ITPR2: variants seen among roughly 807,000 people sequenced by gnomAD.
ITPR2 encodes inositol 1,4,5-trisphosphate receptor type 2.
In ITPR2, 207 loss-of-function variants were observed where a neutral mutation model predicts 317.1. The ratio of observed to expected loss-of-function variants is 0.65; its 90% CI spans 0.58 to 0.73. The LOEUF (loss-of-function observed/expected upper bound fraction) is 0.73. Ranked by LOEUF, ITPR2 falls within the 30% of genes least tolerant of loss-of-function variation. ITPR2 has a pLI of 0.00. For missense variants in ITPR2, 2,613 were observed against 3,284.0 expected (o/e 0.80, Z 4.99); for synonymous variants, 1,156 against 1,149.1 (o/e 1.01, Z -0.12).
At chr12:26,780,329 A>G (rs531081033) in intron 2 of ITPR2, among the ~76,000 whole-genome samples, 88 of 152,282 alleles carry the variant, frequency 5.8e-4, no homozygotes, top group Admixed American at 4.8e-3. Flanking sequence ...TTTTGTCCTC[A>G]CTGAAATAGA....
At position 26,784,515 on chromosome 12, in the gene ITPR2, T is replaced by G. The variant is rs556502342; in HGVS notation, c.163+5642A>C. ...GCCGCCACGCCTGACTGGTTTTCGG[T>G]TTTTTTTTGGTGGAGACGGGGTTTT... On this transcript the variant is annotated intron_variant, in intron 2 of 56. Transcript: ENST00000381340. 5.1e-3 allele frequency among the ~76,000 whole-genome samples: 760 copies of G among 148,560 alleles called. 1 individual carries two copies. The highest frequency in any genetic ancestry group is 7.7e-3 in the Non-Finnish European group (513 of 66,838).
chr12:26,393,034 T>C (rs1427918896), intron 54 of ITPR2, among the ~76,000 whole-genome samples: 1 of 152,226 alleles, frequency 6.6e-6, no homozygotes, highest in Non-Finnish European at 1.5e-5. Context: ...GATCACTAGC[T>C]ATTGTTTTCT....
chr12:26,808,248 A>C (rs953659354), intron 1 of ITPR2, among the ~76,000 whole-genome samples: 1 of 152,196 alleles, frequency 6.6e-6, no homozygotes, highest in African/African-American at 2.4e-5. Flanking sequence ...CTAAAGCCAG[A>C]TCCCTCTCTT....
At chr12:26,408,245 A>G (rs763672302) in intron 52 of ITPR2, among the ~76,000 whole-genome samples, 2 of 152,234 alleles carry the variant, frequency 1.3e-5, no homozygotes, top group Admixed American at 6.5e-5. Flanking sequence ...CTCAACAAAT[A>G]TAACTATGTG....
intron 23 of ITPR2, among the ~76,000 whole-genome samples, chr12:26,627,746 G>T (rs540313267): frequency 2.0e-5 from 3 of 152,088 alleles, no homozygotes; most frequent in African/African-American, 7.2e-5. Flanking sequence ...CACAGGGAGG[G>T]GAACATCACA....
intron 37 of ITPR2, among the ~76,000 whole-genome samples, chr12:26,504,683 C>T (rs1943145915): frequency 6.6e-6 from 1 of 152,180 alleles, no homozygotes; most frequent in Non-Finnish European, 1.5e-5. Context: ...AATGTATGCT[C>T]TCAGCCACCA....
chr12:26,715,572 G>T (rs2137031136), intron 7 of ITPR2, 127 bp from the exon 8 acceptor site: 1 of 907,208 alleles, frequency 1.1e-6, no homozygotes, highest in East Asian at 2.6e-5. Context: ...TTTATTTAAT[G>T]CTTATTTAAA....
chr12:26,727,108 G>A (rs761389285), intron 2 of ITPR2, among the ~76,000 whole-genome samples: 9 of 152,204 alleles, frequency 5.9e-5, no homozygotes, highest in Non-Finnish European at 1.2e-4. Context: ...CCTAGCACGT[G>A]TGTGACCAAA....
intron 52 of ITPR2, among the ~76,000 whole-genome samples, chr12:26,403,828 G>T (rs564654331): frequency 1.3e-5 from 2 of 152,264 alleles, no homozygotes; most frequent in South Asian, 4.1e-4. Context: ...AGCCCCAGAG[G>T]TAGAAAAATG....
intron 2 of ITPR2, among the ~76,000 whole-genome samples, chr12:26,757,680 A>T (rs1161971868): frequency 2.0e-5 from 3 of 152,224 alleles, no homozygotes; most frequent in Admixed American, 2.0e-4. Flanking sequence ...TAGGTTTATC[A>T]GGACATGTCC....
chr12:26,709,213 G>C (rs1948605741), intron 9 of ITPR2, among the ~76,000 whole-genome samples: 1 of 152,176 alleles, frequency 6.6e-6, no homozygotes, highest in Non-Finnish European at 1.5e-5. Context: ...CACCCATTCT[G>C]TTACACTAGT....
chr12:26,567,962 AT>A (rs1398159834), intron 34 of ITPR2, among the ~76,000 whole-genome samples: 2 of 24,848 alleles, frequency 8.0e-5, no homozygotes, highest in African/African-American at 2.6e-4. Context: ...ATATATATAT[AT>A]ATATATTATA....
rs1374714532 is a variant in ITPR2, at chr12:26,362,603, C to G, written c.7858-22275G>C. Among the ~76,000 whole-genome samples the G allele has an allele frequency of 2.0e-5, 3 of 152,198 alleles. No homozygotes were observed. In the East Asian group the frequency reaches 5.8e-4, roughly 29 times the overall value. On this transcript the variant is annotated intron_variant, in intron 55 of 56. Coordinates refer to ENST00000381340, the MANE Select transcript of ITPR2 (RefSeq NM_002223.4). ...TTTCTTATGACTCTCAAATCAGATC[C>G]CTTTTCTCTAATACAGTACTGCTGG...
At chr12:26,568,018 AT>A (rs1248461094) in intron 34 of ITPR2, among the ~76,000 whole-genome samples, 19 of 122,400 alleles carry the variant, frequency 1.6e-4, no homozygotes, top group African/African-American at 4.7e-4. Context: ...ATATATATAT[AT>A]ATATATATAT....
intron 54 of ITPR2, among the ~76,000 whole-genome samples, chr12:26,395,082 AG>A (rs1213604947): frequency 6.6e-6 from 1 of 152,164 alleles, no homozygotes; most frequent in Non-Finnish European, 1.5e-5. Flanking sequence ...GACTGAAAAC[AG>A]AGGGGAAAGC....
chr12:26,695,093 C>T (rs1342010190), intron 10 of ITPR2, among the ~76,000 whole-genome samples: 1 of 152,112 alleles, frequency 6.6e-6, no homozygotes, highest in East Asian at 1.9e-4. Context: ...ATAATACCTA[C>T]CAATTTCAAA....
intron 2 of ITPR2, among the ~76,000 whole-genome samples, chr12:26,746,770 A>T (rs1018579156): frequency 6.6e-6 from 1 of 152,032 alleles, no homozygotes; most frequent in African/African-American, 2.4e-5. Context: ...TGTTGCATGT[A>T]CCTACCTTTC....
At chr12:26,475,178 C>A in intron 45 of ITPR2, 118 bp downstream of exon 45, 1 of 1,172,942 alleles carries the variant, frequency 8.5e-7, no homozygotes, top group Non-Finnish European at 1.2e-6. Flanking sequence ...TAGCCCAAAC[C>A]TAGGATGGTA....
intron 2 of ITPR2, among the ~76,000 whole-genome samples, chr12:26,746,219 C>A (rs1310944229): frequency 1.4e-5 from 2 of 141,118 alleles, no homozygotes; most frequent in Non-Finnish European, 3.1e-5. Context: ...CACACATACA[C>A]ACACACAAAT....
Sources: allele counts gnomAD v4.1 joint callset (sites outside exome capture counted in the v4.1 genomes callset), GRCh38; gene constraint gnomAD v4.1.1; transcripts MANE v1.5; gene names NCBI Gene and HGNC (gene_info 2026-07-23, HGNC 2026-07-21).